Variants in AUTS2 observed in about 807,000 individuals in gnomAD.
AUTS2 encodes the protein activator of transcription and developmental regulator AUTS2.
AUTS2 carries 17 observed loss-of-function variants against 112.4 expected under a neutral mutation model. The observed-to-expected ratio is 0.15, with a 90% confidence interval of 0.10 to 0.23. AUTS2 has a LOEUF of 0.23. Among genes scored for constraint, AUTS2 ranks in the 10% least tolerant of loss-of-function variants. AUTS2 has a pLI of 1.00. For synonymous variants in AUTS2, 751 were observed against 702.7 expected, an observed-to-expected ratio of 1.07 and a Z score of -1.09; for missense variants, 1,510 against 1,701.6, an observed-to-expected ratio of 0.89 and a Z score of 1.98.
chr7:69,637,242 C>G (rs1562776932), intron 1 of AUTS2, among the ~76,000 whole-genome samples: 1 of 152,138 alleles, frequency 6.6e-6, no homozygotes, highest in Admixed American at 6.5e-5. Context: ...TTATTTGCAA[C>G]CAATAAATTT....
At chr7:70,588,091 A>G (rs531476589) in intron 5 of AUTS2, among the ~76,000 whole-genome samples, 3 of 152,310 alleles carry the variant, frequency 2.0e-5, no homozygotes, top group African/African-American at 7.2e-5. Context: ...AGATGAATCA[A>G]ATGTTTCCTG....
intron 2 of AUTS2, among the ~76,000 whole-genome samples, chr7:69,931,949 C>T (rs1239495309): frequency 6.6e-6 from 1 of 152,104 alleles, no homozygotes; most frequent in Non-Finnish European, 1.5e-5. Flanking sequence ...AACAGAATTG[C>T]TTTGTTTTCC....
intron 2 of AUTS2, among the ~76,000 whole-genome samples, chr7:69,921,653 C>T (rs1409598130): frequency 1.3e-5 from 2 of 151,274 alleles, no homozygotes; most frequent in Non-Finnish European, 2.9e-5. Flanking sequence ...TGCCTATAAT[C>T]CCAGCTACTT....
intron 1 of AUTS2, among the ~76,000 whole-genome samples, chr7:69,689,661 T>A (rs1249704452): frequency 1.4e-5 from 1 of 73,032 alleles, no homozygotes; most frequent in Non-Finnish European, 2.5e-5. Flanking sequence ...TATTTATTTA[T>A]TTATTTATTT....
rs531056415 is a variant in AUTS2, at chr7:70,087,828, G to A, written c.523-30304G>A. Among the ~76,000 whole-genome samples the A allele has an allele frequency of 2.9e-4, 44 of 152,234 alleles. 1 individual carries two copies. The South Asian group carries it at 7.5e-3, about 26-fold the overall frequency. ...TAAATGTTTGGTAGGATTTATCAGCGAAGCCCTTGGGCCTGGAGTTTTCTT... is the reference window on the plus strand; with the variant it reads ...TAAATGTTTGGTAGGATTTATCAGCAAAGCCCTTGGGCCTGGAGTTTTCTT... On this transcript the variant is annotated intron_variant, in intron 2 of 18. Coordinates refer to ENST00000342771, the MANE Select transcript of AUTS2 (RefSeq NM_015570.4).
chr7:69,824,090 G>A (rs925433908), intron 1 of AUTS2, among the ~76,000 whole-genome samples: 2 of 151,930 alleles, frequency 1.3e-5, no homozygotes, highest in Non-Finnish European at 2.9e-5. Context: ...CTTAGTCACT[G>A]GATGTAAGTA....
intron 4 of AUTS2, among the ~76,000 whole-genome samples, chr7:70,422,899 C>T (rs1795284491): frequency 6.6e-6 from 1 of 152,310 alleles, no homozygotes; most frequent in Middle Eastern, 3.4e-3. Flanking sequence ...CTCAGACACT[C>T]TCCATGCTAC....
rs1786751858 is a variant in AUTS2 at position 70,254,405 on chromosome 7, A to C, written c.660+119834A>C. Among the ~76,000 whole-genome samples, 5 of 145,524 alleles carry C rather than the reference A, an allele frequency of 3.4e-5. No homozygotes were observed. In the South Asian group the frequency reaches 1.1e-3, roughly 33 times the overall value. On this transcript the variant is annotated intron_variant, in intron 4 of 18. Coordinates refer to ENST00000342771, the MANE Select transcript of AUTS2 (RefSeq NM_015570.4). ...GGAATTAGTATTTCATTATTCCATA[A>C]GGTTCTACAAATACCTACAAAGACC...
intron 1 of AUTS2, among the ~76,000 whole-genome samples, chr7:69,877,447 A>G (rs1336873069): frequency 6.6e-6 from 1 of 152,200 alleles, no homozygotes; most frequent in Admixed American, 6.5e-5. Flanking sequence ...AAAGAATGAG[A>G]TGCATATTTA....
At chr7:70,698,874 T>C (rs1366751259) in intron 6 of AUTS2, 1 of 342,316 alleles carries the variant, frequency 2.9e-6, no homozygotes, top group Non-Finnish European at 5.2e-6. Context: ...TATGTGACTT[T>C]AATATAGAAA....
At chr7:70,334,429 C>G (rs187643746) in intron 4 of AUTS2, among the ~76,000 whole-genome samples, 57 of 152,292 alleles carry the variant, frequency 3.7e-4, no homozygotes, top group African/African-American at 1.3e-3. Flanking sequence ...AACTAACTTA[C>G]AGTGGTAGGT....
intron 1 of AUTS2, among the ~76,000 whole-genome samples, chr7:69,655,272 A>G (rs1795472364): frequency 6.6e-6 from 1 of 152,178 alleles, no homozygotes; most frequent in African/African-American, 2.4e-5. Flanking sequence ...CAAAGCAAAC[A>G]CTTCAGGATT....
chr7:70,237,713 A>G (rs1288285163), intron 4 of AUTS2, among the ~76,000 whole-genome samples: 4 of 152,218 alleles, frequency 2.6e-5, no homozygotes, highest in Non-Finnish European at 4.4e-5. Flanking sequence ...CCTGTATTCA[A>G]CCCACTGGAG....
chr7:70,228,389 C>A (rs1811879120), intron 4 of AUTS2, among the ~76,000 whole-genome samples: 3 of 150,502 alleles, frequency 2.0e-5, no homozygotes, highest in Admixed American at 2.0e-4. Context: ...CTAACAATCT[C>A]TTTTTTTTGA....
At chr7:69,816,293 C>T (rs921287310) in intron 1 of AUTS2, among the ~76,000 whole-genome samples, 3 of 152,174 alleles carry the variant, frequency 2.0e-5, no homozygotes, top group East Asian at 1.9e-4. Context: ...ACTTACATTC[C>T]GTTCTCCCCA....
chr7:69,894,252 GTTTTTT>G (rs370966756), intron 1 of AUTS2, among the ~76,000 whole-genome samples: 6 of 36,746 alleles, frequency 1.6e-4, no homozygotes, highest in African/African-American at 4.0e-4. Flanking sequence ...GCCTTAAAGC[GTTTTTT>G]TTTTTTTTTT....
intron 1 of AUTS2, among the ~76,000 whole-genome samples, chr7:69,695,423 T>C (rs1173124263): frequency 6.6e-6 from 1 of 152,152 alleles, no homozygotes; most frequent in Admixed American, 6.5e-5. Context: ...GAGGAAATAC[T>C]ATATTGTGTT....
intron 4 of AUTS2, among the ~76,000 whole-genome samples, chr7:70,408,728 A>G (rs1794648082): frequency 6.6e-6 from 1 of 152,230 alleles, no homozygotes; most frequent in Non-Finnish European, 1.5e-5. Flanking sequence ...CCTAGAGATC[A>G]TGGAGAGAAG....
chr7:70,059,161 G>T (rs1175635545), intron 2 of AUTS2, among the ~76,000 whole-genome samples: 1 of 152,102 alleles, frequency 6.6e-6, no homozygotes, highest in Non-Finnish European at 1.5e-5. Context: ...AATCCTTTGT[G>T]CTCTACCTAT....
Sources: allele counts gnomAD v4.1 joint callset (sites outside exome capture counted in the v4.1 genomes callset), GRCh38; gene constraint gnomAD v4.1.1; transcripts MANE v1.5; gene names NCBI Gene and HGNC (gene_info 2026-07-23, HGNC 2026-07-21).